Variants in RBP2 observed in about 807,000 individuals in gnomAD.
RBP2 encodes the protein retinol-binding protein 2.
In RBP2, 17 loss-of-function variants were observed where a neutral mutation model predicts 17.0. The observed-to-expected ratio is 1.00, with a 90% confidence interval of 0.68 to 1.50. The LOEUF (loss-of-function observed/expected upper bound fraction) is 1.50, where lower values mean the gene tolerates loss of function less well. Among genes scored for constraint, RBP2 ranks in the 40% most tolerant of loss-of-function variants. RBP2 has a pLI of 0.00. For missense variants in RBP2, 158 were observed against 168.2 expected (o/e 0.94, Z 0.33); for synonymous variants, 48 against 57.1 (o/e 0.84, Z 0.72).
chr3:139,460,904 G>C (rs1243626695), intron 2 of RBP2, among the ~76,000 whole-genome samples: 2 of 152,148 alleles, frequency 1.3e-5, no homozygotes, highest in South Asian at 2.1e-4. Context: ...GCCCAGCCTT[G>C]TATAAAATGC....
intron 2 of RBP2, among the ~76,000 whole-genome samples, chr3:139,458,300 C>T (rs375718411): frequency 1.3e-5 from 2 of 152,132 alleles, no homozygotes; most frequent in African/African-American, 4.8e-5. Flanking sequence ...TTCTTTGGTT[C>T]GCCTGCAGGG....
chr3:139,459,398 A>ATGTGTGTGTGTGTGTGTG (rs201355065), intron 2 of RBP2, among the ~76,000 whole-genome samples: 9 of 36,164 alleles, frequency 2.5e-4, no homozygotes, highest in African/African-American at 4.1e-4. Context: ...TCTACTATAT[A>ATGTGTGTGTGTGTGTGTG]TATGTGTGTG....
intron 1 of RBP2, among the ~76,000 whole-genome samples, chr3:139,467,279 C>T (rs1005277190): frequency 6.6e-5 from 10 of 152,260 alleles, no homozygotes; most frequent in Non-Finnish European, 7.4e-5. Flanking sequence ...TTCTGTGCCA[C>T]GGCACTCCAG....
At chr3:139,468,990 G>T (rs1034340240) in intron 1 of RBP2, among the ~76,000 whole-genome samples, 1 of 152,142 alleles carries the variant, frequency 6.6e-6, no homozygotes, top group African/African-American at 2.4e-5. Context: ...AGCCATAAAG[G>T]TGAAATATGA....
intron 1 of RBP2, among the ~76,000 whole-genome samples, chr3:139,462,558 A>ACACACACACACACACACACAC (rs1933225306): frequency 8.2e-6 from 1 of 121,348 alleles, no homozygotes; most frequent in African/African-American, 3.8e-5. Flanking sequence ...GCAGCTCCCC[A>ACACACACACACACACACACAC]ACACACACAC....
Position 139,462,129 on chromosome 3 carries a change from C to A in RBP2, c.235G>T (p.Asp79Tyr), listed in dbSNP as rs1367288179. Residue 79 changes from aspartate (D) to tyrosine (Y), a missense_variant, in exon 2 of 4, where the codon GAT becomes TAT. Transcript: ENST00000232217. ...VEFDEYTKSL[D>Y]NRHVKALVTW... is the part of the protein sequence containing the mutation. The stretch of plus-strand genomic sequence containing the variant: ...GTCAGTACCTTAACATGCCGGTTAT[C>A]CAGGCTCTTTGTGTACTCGTCAAAC... The A allele has an allele frequency of 1.2e-6, 2 of 1,614,054 alleles. No homozygotes were observed. Among genetic ancestry groups the A allele is most frequent in the Middle Eastern group, 1.6e-4 (1 of 6,062 alleles).
At chr3:139,454,522 G>C (rs1477207618) in intron 3 of RBP2, among the ~76,000 whole-genome samples, 1 of 152,186 alleles carries the variant, frequency 6.6e-6, no homozygotes, top group Non-Finnish European at 1.5e-5. Context: ...TTGAATTGCA[G>C]CTGTTCACAG....
At chr3:139,469,345 G>T (rs1933470983) in intron 1 of RBP2, among the ~76,000 whole-genome samples, 1 of 152,162 alleles carries the variant, frequency 6.6e-6, no homozygotes, top group Non-Finnish European at 1.5e-5. Flanking sequence ...ACCGGGGGCA[G>T]GCTGGAGACC....
At chr3:139,457,239 T>C (rs1559804183) in intron 2 of RBP2, among the ~76,000 whole-genome samples, 1 of 152,252 alleles carries the variant, frequency 6.6e-6, no homozygotes, top group Non-Finnish European at 1.5e-5. Flanking sequence ...TAAATCCATT[T>C]GCTTCCTTGC....
At chr3:139,457,114 A>C (rs1467766104) in intron 2 of RBP2, among the ~76,000 whole-genome samples, 3 of 152,226 alleles carry the variant, frequency 2.0e-5, no homozygotes, top group Non-Finnish European at 4.4e-5. Flanking sequence ...CCCAGTAGAC[A>C]GTAAGCTCCA....
chr3:139,457,130 G>T (rs6439863), intron 2 of RBP2, among the ~76,000 whole-genome samples: 39,166 of 152,192 alleles, frequency 0.26, 8,225 homozygotes, highest in African/African-American at 0.58. Flanking sequence ...CTCCATGAAA[G>T]AAGATGCTGT....
chr3:139,460,986 G>A (rs1576422323), intron 2 of RBP2, among the ~76,000 whole-genome samples: 1 of 152,298 alleles, frequency 6.6e-6, no homozygotes, highest in Non-Finnish European at 1.5e-5. Flanking sequence ...CAAATCTCTT[G>A]GACTGCATAT....
intron 3 of RBP2, 22 bp downstream of exon 3, chr3:139,454,707 C>T: frequency 6.2e-7 from 1 of 1,610,162 alleles, no homozygotes; most frequent in Non-Finnish European, 8.5e-7. Context: ...TGGAAGTGAG[C>T]TGAGCAGAAC....
chr3:139,466,358 C>T (rs986350310), intron 1 of RBP2: 15 of 152,224 alleles, frequency 9.9e-5, no homozygotes, highest in African/African-American at 3.6e-4. Context: ...TTTAATTTTT[C>T]TCTCTTCAAG....
At chr3:139,454,875 G>T in intron 2 of RBP2, 45 bp from the exon 3 acceptor site, 1 of 1,569,728 alleles carries the variant, frequency 6.4e-7, no homozygotes, top group Non-Finnish European at 8.8e-7. Context: ...TGGTCTTGAG[G>T]GACTGAACAA....
chr3:139,473,394 T>C (rs986320196), intron 1 of RBP2, among the ~76,000 whole-genome samples: 1 of 152,210 alleles, frequency 6.6e-6, no homozygotes, highest in Non-Finnish European at 1.5e-5. Flanking sequence ...CACATCTCAG[T>C]AGAGTTGCTC....
At chr3:139,468,927 C>T (rs978552589) in intron 1 of RBP2, among the ~76,000 whole-genome samples, 2 of 152,078 alleles carry the variant, frequency 1.3e-5, no homozygotes, top group Non-Finnish European at 2.9e-5. Context: ...AAAAACAACA[C>T]GGACCTGACT....
chr3:139,459,105 C>T (rs1331942567), intron 2 of RBP2, among the ~76,000 whole-genome samples: 1 of 152,068 alleles, frequency 6.6e-6, no homozygotes, highest in Non-Finnish European at 1.5e-5. Flanking sequence ...GGGAGATTTC[C>T]AGAGGGCTTG....
chr3:139,460,117 ACAAC>A (rs1015849314), intron 2 of RBP2, among the ~76,000 whole-genome samples: 1 of 152,224 alleles, frequency 6.6e-6, no homozygotes, highest in Non-Finnish European at 1.5e-5. Flanking sequence ...TCAAGAGCCC[ACAAC>A]CAAAACAGAA....
Sources: gnomAD v4.1 joint callset for allele counts (sites outside exome capture counted in the v4.1 genomes callset) on GRCh38, gnomAD v4.1.1 for gene constraint, MANE v1.5 for transcripts, NCBI Gene and HGNC (gene_info 2026-07-23, HGNC 2026-07-21) for gene names.